Variants in KEL observed in about 807,000 individuals in gnomAD.
KEL encodes Kell metallo-endopeptidase (Kell blood group).
In KEL, 96 loss-of-function variants were observed where a neutral mutation model predicts 99.5. The observed-to-expected ratio is 0.97, with a 90% confidence interval of 0.82 to 1.14. The LOEUF (loss-of-function observed/expected upper bound fraction) is 1.14, where lower values mean the gene tolerates loss of function less well. Among genes scored for constraint, KEL ranks in the 50% most tolerant of loss-of-function variants. The probability of loss-of-function intolerance (pLI) is 0.00; values close to 1 mark genes in which losing one functional copy is unlikely to be tolerated. For synonymous variants in KEL, 355 were observed against 354.8 expected, an observed-to-expected ratio of 1.00 and a Z score of -0.01; for missense variants, 926 against 924.2, an observed-to-expected ratio of 1.00 and a Z score of -0.03.
rs755773828 is a variant in KEL at position 142,954,542 on chromosome 7, G to A, written c.673-15C>T. 1.2e-6 allele frequency: 2 copies of A among 1,613,494 alleles called. No homozygotes were observed. The highest frequency in any genetic ancestry group is 1.7e-5 in the Admixed American group (1 of 60,020). ...GGCTGGTCTATCTGGGCACAAGAGA[G>A]ACTGGAGAGAAGCAGGGAGCATGGC... is the stretch of plus-strand genomic sequence containing the variant. On this transcript the variant is annotated splice_polypyrimidine_tract_variant and intron_variant, in intron 6 of 18. Coordinates refer to ENST00000355265, the MANE Select transcript of KEL (RefSeq NM_000420.3).
chr7:142,943,930 G>A (rs756902633), intron 13 of KEL, 47 bp from the exon 14 acceptor site: 1 of 1,465,404 alleles, frequency 6.8e-7, no homozygotes, highest in Non-Finnish European at 9.5e-7. Flanking sequence ...GACTTCTATA[G>A]ATGCACGCTG....
intron 10 of KEL, among the ~76,000 whole-genome samples, chr7:142,947,098 C>G (rs1190563689): frequency 6.6e-6 from 1 of 152,134 alleles, no homozygotes; most frequent in Non-Finnish European, 1.5e-5. Context: ...GCTTGCATGG[C>G]TTTAAAAACT....
intron 4 of KEL, among the ~76,000 whole-genome samples, chr7:142,959,025 T>C (rs1018369730): frequency 2.1e-5 from 3 of 145,786 alleles, no homozygotes; most frequent in Admixed American, 2.0e-4. Flanking sequence ...ATGTATTTGA[T>C]TGATGTCTCA....
At chr7:142,949,449 CT>C (rs1796618960) in intron 10 of KEL, among the ~76,000 whole-genome samples, 1 of 152,232 alleles carries the variant, frequency 6.6e-6, no homozygotes, top group Non-Finnish European at 1.5e-5. Flanking sequence ...TTAGCATTTC[CT>C]TTCCTCATTT....
chr7:142,958,820 A>G (rs946486732), intron 4 of KEL, among the ~76,000 whole-genome samples: 4 of 152,216 alleles, frequency 2.6e-5, no homozygotes, highest in Middle Eastern at 3.2e-3. Context: ...GGCAGCCACT[A>G]TAAGACTTCA....
chr7:142,951,355 G>A (rs1421593035), intron 10 of KEL, among the ~76,000 whole-genome samples: 1 of 152,148 alleles, frequency 6.6e-6, no homozygotes, highest in Non-Finnish European at 1.5e-5. Context: ...TGGGGCTCTG[G>A]TCTGCTTCAT....
intron 6 of KEL, 49 bp downstream of exon 6, chr7:142,957,778 G>A: frequency 6.2e-7 from 1 of 1,611,028 alleles, no homozygotes; most frequent in Admixed American, 1.7e-5. Flanking sequence ...ATTGGCTAGA[G>A]TTGGAGGCAG....
chr7:142,960,676 G>T (rs553399173), intron 4 of KEL, among the ~76,000 whole-genome samples: 1 of 152,166 alleles, frequency 6.6e-6, no homozygotes, highest in Admixed American at 6.5e-5. Context: ...TGCAGAAAGG[G>T]ACCAAGAGAA....
intron 15 of KEL, 48 bp from the exon 16 acceptor site, chr7:142,943,391 T>A: frequency 6.2e-7 from 1 of 1,612,068 alleles, no homozygotes; most frequent in Non-Finnish European, 8.5e-7. Flanking sequence ...TCAGCATTTG[T>A]GACCCCAATT....
At chr7:142,956,900 A>G (rs1796842539) in intron 6 of KEL, among the ~76,000 whole-genome samples, 1 of 152,244 alleles carries the variant, frequency 6.6e-6, no homozygotes, top group Non-Finnish European at 1.5e-5. Flanking sequence ...GGGCCCAAAT[A>G]TGCAGATAGC....
At chr7:142,943,961 T>C (rs1796443008) in intron 13 of KEL, 78 bp from the exon 14 acceptor site, 2 of 1,236,718 alleles carry the variant, frequency 1.6e-6, no homozygotes, top group Non-Finnish European at 2.3e-6. Context: ...ATGGGACCAT[T>C]TGACCCCAAA....
In KEL at chr7:142,953,864, G is replaced by A. The variant is rs779130548; in HGVS notation, c.1017C>T (p.Asp339=). ...LSPSQSLVVH[D]VEYLKNMSQL... ...GTGACATGTTTTTCAAATATTCCACGTCATGGACCACGAGGGACTGAGAAG... is the reference window on the plus strand; with the variant it reads ...GTGACATGTTTTTCAAATATTCCACATCATGGACCACGAGGGACTGAGAAG... Residue 339 remains aspartate (D), a synonymous_variant, in exon 9 of 19, where the codon GAC becomes GAT. Coordinates refer to ENST00000355265, the MANE Select transcript of KEL (RefSeq NM_000420.3). 34 of 1,614,172 alleles carry A rather than the reference G, an allele frequency of 2.1e-5. No individual in the cohort carries two copies. Among genetic ancestry groups the A allele is most frequent in the Middle Eastern group, 1.6e-4 (1 of 6,062 alleles).
At chr7:142,960,119 T>C (rs1296722945) in intron 4 of KEL, among the ~76,000 whole-genome samples, 2 of 152,226 alleles carry the variant, frequency 1.3e-5, no homozygotes, top group Non-Finnish European at 2.9e-5. Flanking sequence ...CCAGCCTCCA[T>C]CTGCAGGAAC....
At chr7:142,952,691 C>T in intron 9 of KEL, 53 bp from the exon 10 acceptor site, 1 of 1,604,958 alleles carries the variant, frequency 6.2e-7, no homozygotes, top group Admixed American at 1.7e-5. Flanking sequence ...GGGGATGCTT[C>T]AAGAAGAGCC....
chr7:142,956,476 G>T (rs548957151), intron 6 of KEL, among the ~76,000 whole-genome samples: 1 of 149,820 alleles, frequency 6.7e-6, no homozygotes, highest in East Asian at 1.9e-4. Flanking sequence ...TTTCACCTTC[G>T]CCTGGCTTCT....
At position 142,961,253 on chromosome 7, in the gene KEL, G is replaced by A; in HGVS notation, c.223+107C>T. On this transcript the variant is annotated intron_variant, in intron 3 of 18. Transcript: ENST00000355265. The stretch of plus-strand genomic sequence containing the variant: ...ATGCAGGGAGGAAGAAGAACCATGG[G>A]GACCCCAAGGGTCAGGGTGGGCAGA... 3 of 1,543,018 alleles carry A rather than the reference G, an allele frequency of 1.9e-6. No individual in the cohort carries two copies. The South Asian group carries it at 3.4e-5, about 17-fold the overall frequency.
intron 10 of KEL, 72 bp downstream of exon 10, chr7:142,952,437 C>T (rs544957930): frequency 9.9e-5 from 158 of 1,589,484 alleles, no homozygotes; most frequent in South Asian, 8.3e-4. Flanking sequence ...AGAGAGATGC[C>T]GACATTTACC....
At chr7:142,953,410 C>A (rs1006695991) in intron 9 of KEL, 1 of 982,538 alleles carries the variant, frequency 1.0e-6, no homozygotes, top group Admixed American at 6.2e-5. Context: ...ATCTCATGTG[C>A]CTCCTCCTCC....
intron 10 of KEL, among the ~76,000 whole-genome samples, chr7:142,947,435 G>A (rs143940861): frequency 7.2e-5 from 11 of 152,254 alleles, no homozygotes; most frequent in Non-Finnish European, 1.6e-4. Context: ...GGTAGTCACT[G>A]AAGAAAAAAC....
Sources: allele counts gnomAD v4.1 joint callset (sites outside exome capture counted in the v4.1 genomes callset), GRCh38; gene constraint gnomAD v4.1.1; transcripts MANE v1.5; gene names NCBI Gene and HGNC (gene_info 2026-07-23, HGNC 2026-07-21).